The following SPATA6 variants were observed in gnomAD, a reference collection of about 807,000 sequenced individuals.
SPATA6 encodes spermatogenesis associated 6, also known as spermatogenesis-associated protein 6.
In SPATA6, 56 loss-of-function variants were observed where a neutral mutation model predicts 65.3. That is an observed-to-expected ratio of 0.86 (90% confidence interval 0.69 to 1.07). SPATA6 has a LOEUF of 1.07. SPATA6 is among the 50% of genes least tolerant of loss of function. The pLI, the probability that SPATA6 is intolerant of heterozygous loss-of-function variation, is 0.00. For synonymous variants in SPATA6, 199 were observed against 213.2 expected, an observed-to-expected ratio of 0.93 and a Z score of 0.58; for missense variants, 590 against 594.8, an observed-to-expected ratio of 0.99 and a Z score of 0.08.
chr1:48,268,725 G>A, the SPATA6 span, among the ~76,000 whole-genome samples: 1 of 152,066 alleles, frequency 6.6e-6, no homozygotes, highest in African/African-American at 2.4e-5. Context: ...AACCTACATA[G>A]AACTTCCTTA....
chr1:48,407,457 C>T (rs1227661384), intron 5 of SPATA6, among the ~76,000 whole-genome samples: 5 of 152,180 alleles, frequency 3.3e-5, no homozygotes, highest in Admixed American at 6.5e-5. Flanking sequence ...CCAACTGAAT[C>T]CACCACAGTT....
chr1:48,277,772 C>T, the SPATA6 span, among the ~76,000 whole-genome samples: 4 of 152,216 alleles, frequency 2.6e-5, no homozygotes, highest in African/African-American at 9.6e-5. Context: ...AACAAAAAGA[C>T]AGCAGTAACC....
At chr1:48,270,701 A>T in the SPATA6 span, among the ~76,000 whole-genome samples, 11 of 152,028 alleles carry the variant, frequency 7.2e-5, no homozygotes, top group African/African-American at 2.7e-4. Context: ...ACCTTTAAAA[A>T]ATATACTAAG....
chr1:48,317,626 A>G (rs1645476654), intron 11 of SPATA6, among the ~76,000 whole-genome samples: 1 of 152,174 alleles, frequency 6.6e-6, no homozygotes, highest in African/African-American at 2.4e-5. Flanking sequence ...ATGTATATAT[A>G]TGTAACAAAC....
chr1:48,340,978 A>G (rs1646199449), intron 11 of SPATA6, among the ~76,000 whole-genome samples: 1 of 152,228 alleles, frequency 6.6e-6, no homozygotes, highest in Non-Finnish European at 1.5e-5. Flanking sequence ...ACCTATATGT[A>G]TCCAATAACA....
intron 11 of SPATA6, among the ~76,000 whole-genome samples, chr1:48,317,756 C>T (rs74761534): frequency 0.045 from 6,861 of 152,064 alleles, 427 homozygotes; most frequent in East Asian, 0.18. Context: ...AGAAAGAACA[C>T]CAAATCTTTA....
chr1:48,302,513 A>G (rs6662370), intron 12 of SPATA6, among the ~76,000 whole-genome samples: 148,933 of 152,312 alleles, frequency 0.98, 72,898 homozygotes, highest in East Asian at 1. Flanking sequence ...CCCGGAGTTA[A>G]CATAGCTTAG....
the SPATA6 span, among the ~76,000 whole-genome samples, chr1:48,264,728 A>G: frequency 6.6e-6 from 1 of 152,206 alleles, no homozygotes; most frequent in Non-Finnish European, 1.5e-5. Flanking sequence ...ATAGTATTCC[A>G]TGGTATATAC....
intron 2 of SPATA6, among the ~76,000 whole-genome samples, chr1:48,451,806 T>C (rs1045198840): frequency 6.6e-6 from 1 of 152,196 alleles, no homozygotes; most frequent in African/African-American, 2.4e-5. Flanking sequence ...CTTCCTCTGC[T>C]AGCATTCTTC....
intron 10 of SPATA6, among the ~76,000 whole-genome samples, chr1:48,356,653 GC>G (rs1371971928): frequency 6.6e-6 from 1 of 151,154 alleles, no homozygotes; most frequent in Non-Finnish European, 1.5e-5. Context: ...AGCTGGGATT[GC>G]CTGCCACTAC....
At chr1:48,336,940 A>G (rs1646077788) in intron 11 of SPATA6, among the ~76,000 whole-genome samples, 2 of 152,002 alleles carry the variant, frequency 1.3e-5, no homozygotes, top group East Asian at 1.9e-4. Flanking sequence ...AATTATATCC[A>G]TTACTGAAAA....
chr1:48,308,466 G>T (rs1166902076), intron 11 of SPATA6, among the ~76,000 whole-genome samples: 1 of 152,064 alleles, frequency 6.6e-6, no homozygotes, highest in Non-Finnish European at 1.5e-5. Flanking sequence ...TCTTAAATCA[G>T]ATATAAGAAC....
chr1:48,442,717 T>TA (rs71056669), intron 3 of SPATA6, among the ~76,000 whole-genome samples: 9,246 of 46,278 alleles, frequency 0.2, 1,665 homozygotes, highest in Non-Finnish European at 0.23. Context: ...ATGGAAGTAG[T>TA]AAAAAAAAAA....
At chr1:48,328,133 A>G (rs1645816840) in intron 11 of SPATA6, among the ~76,000 whole-genome samples, 1 of 152,056 alleles carries the variant, frequency 6.6e-6, no homozygotes, top group Non-Finnish European at 1.5e-5. Flanking sequence ...GTACATCAAA[A>G]CCCCAATAAG....
At chr1:48,313,129 T>C (rs998693373) in intron 11 of SPATA6, among the ~76,000 whole-genome samples, 2 of 152,200 alleles carry the variant, frequency 1.3e-5, no homozygotes, top group African/African-American at 4.8e-5. Flanking sequence ...CACAGGATAT[T>C]TTCCAGGAGA....
chr1:48,403,580 A>G (rs1468793763), intron 6 of SPATA6, among the ~76,000 whole-genome samples: 1 of 152,160 alleles, frequency 6.6e-6, no homozygotes, highest in South Asian at 2.1e-4. Flanking sequence ...AGTAATAATA[A>G]TCACAAGATG....
At chr1:48,285,191 T>C in the SPATA6 span, among the ~76,000 whole-genome samples, 1 of 152,092 alleles carries the variant, frequency 6.6e-6, no homozygotes, top group Non-Finnish European at 1.5e-5. Context: ...GGTGGGCTCC[T>C]CCCAGTTCAA....
At chr1:48,409,555 C>T (rs1032118632) in intron 5 of SPATA6, among the ~76,000 whole-genome samples, 3 of 152,234 alleles carry the variant, frequency 2.0e-5, no homozygotes, top group African/African-American at 7.2e-5. Flanking sequence ...GGCTCTGACC[C>T]CACATTTCCC....
chr1:48,265,027 TCTC>T, the SPATA6 span, among the ~76,000 whole-genome samples: 5 of 152,172 alleles, frequency 3.3e-5, no homozygotes, highest in East Asian at 9.7e-4. Flanking sequence ...ATGGCCTACT[TCTC>T]CTCTTCTGAC....
Sources: gnomAD v4.1 joint callset for allele counts (sites outside exome capture counted in the v4.1 genomes callset) on GRCh38, gnomAD v4.1.1 for gene constraint, MANE v1.5 for transcripts, NCBI Gene and HGNC (gene_info 2026-07-23, HGNC 2026-07-21) for gene names.